The following MITF variants were observed in gnomAD, a reference collection of about 807,000 sequenced individuals.
MITF encodes the protein microphthalmia-associated transcription factor.
In MITF, 17 loss-of-function variants were observed where a neutral mutation model predicts 60.5. That is an observed-to-expected ratio of 0.28 (90% CI 0.19 to 0.42). The LOEUF (loss-of-function observed/expected upper bound fraction) is 0.42. Among genes scored for constraint, MITF ranks in the 10% least tolerant of loss-of-function variants. The pLI is 1.00. For missense variants in MITF, 622 were observed against 683.5 expected (o/e 0.91, Z 1.00); for synonymous variants, 260 against 248.5 (o/e 1.05, Z -0.43).
intron 1 of MITF, among the ~76,000 whole-genome samples, chr3:69,755,280 A>G (rs1412256537): frequency 6.6e-6 from 1 of 152,106 alleles, no homozygotes; most frequent in African/African-American, 2.4e-5. Context: ...CGAATTCCTA[A>G]CTGTCATGTT....
At chr3:69,944,603 A>T (rs1392485202) in intron 5 of MITF, among the ~76,000 whole-genome samples, 1 of 152,102 alleles carries the variant, frequency 6.6e-6, no homozygotes. Context: ...AGACAATGTA[A>T]CTTCAACATT....
At chr3:69,838,683 A>G (rs1193675375) in intron 1 of MITF, 1 of 152,570 alleles carries the variant, frequency 6.6e-6, no homozygotes, top group Non-Finnish European at 1.5e-5. Flanking sequence ...GGTAATGGAG[A>G]GCTGACTAGT....
chr3:69,748,461 G>A (rs1047447223), intron 1 of MITF, among the ~76,000 whole-genome samples: 1 of 152,092 alleles, frequency 6.6e-6, no homozygotes, highest in Non-Finnish European at 1.5e-5. Flanking sequence ...GGCTGGTCTC[G>A]AACCCTTGAC....
intron 5 of MITF, among the ~76,000 whole-genome samples, chr3:69,943,747 C>T (rs1278881654): frequency 6.6e-6 from 1 of 152,000 alleles, no homozygotes; most frequent in African/African-American, 2.4e-5. Context: ...TTCCACATAC[C>T]ACCCCTTCTG....
At chr3:69,765,954 AG>A (rs2062284520) in intron 1 of MITF, among the ~76,000 whole-genome samples, 1 of 152,360 alleles carries the variant, frequency 6.6e-6, no homozygotes, top group East Asian at 1.9e-4. Context: ...GAGTTTTAAA[AG>A]TTTGATAAAT....
At chr3:69,747,783 A>G (rs1703783142) in intron 1 of MITF, among the ~76,000 whole-genome samples, 1 of 152,180 alleles carries the variant, frequency 6.6e-6, no homozygotes, top group Non-Finnish European at 1.5e-5. Flanking sequence ...TTCCTCTAGG[A>G]TCATCCTACT....
intron 2 of MITF, among the ~76,000 whole-genome samples, chr3:69,890,524 A>G (rs1288993417): frequency 2.0e-5 from 3 of 152,164 alleles, no homozygotes; most frequent in African/African-American, 4.8e-5. Context: ...TCTTTACCAT[A>G]CATTACATAG....
chr3:69,811,115 A>G (rs952962948), intron 1 of MITF, among the ~76,000 whole-genome samples: 2 of 152,208 alleles, frequency 1.3e-5, no homozygotes, highest in African/African-American at 4.8e-5. Flanking sequence ...ATACTGAAAT[A>G]CCAGCGTTGG....
chr3:69,935,688 T>C (rs1366477546), intron 2 of MITF, among the ~76,000 whole-genome samples: 1 of 152,208 alleles, frequency 6.6e-6, no homozygotes, highest in African/African-American at 2.4e-5. Context: ...TATTAAGCAT[T>C]TATCATAATT....
intron 1 of MITF, among the ~76,000 whole-genome samples, chr3:69,850,107 T>TA (rs1163893931): frequency 6.6e-6 from 1 of 152,210 alleles, no homozygotes; most frequent in African/African-American, 2.4e-5. Flanking sequence ...TTATTGTTTA[T>TA]AGGATCCCCC....
chr3:69,763,889 C>G lies in MITF; in HGVS notation c.104+24188C>G, dbSNP rs1441101806. ...CAGTGGTTTTCCCACGAGCTATTTT[C>G]TCTCTCTGTGAAAAGGAAACCAGGA... On this transcript the variant is annotated intron_variant, in intron 1 of 9. Transcript: ENST00000352241. The G allele has an allele frequency of 2.2e-6, 3 of 1,379,070 alleles. No individual in the cohort carries two copies. Among genetic ancestry groups the G allele is most frequent in the Non-Finnish European group, 2.9e-6 (3 of 1,030,378 alleles). The allele number at this position is 1,379,070 out of a possible 1,614,324, so 85.4% of individuals were successfully genotyped here. A position where few individuals can be genotyped will look rare whatever the true frequency, so the allele number is the denominator to read the frequency against.
chr3:69,914,995 G>T (rs2107402710), intron 2 of MITF, among the ~76,000 whole-genome samples: 2 of 152,256 alleles, frequency 1.3e-5, no homozygotes, highest in South Asian at 4.1e-4. Context: ...GCACAAGGGG[G>T]AGATATAAAA....
At chr3:69,934,875 G>T (rs192927815) in intron 2 of MITF, among the ~76,000 whole-genome samples, 1 of 152,194 alleles carries the variant, frequency 6.6e-6, no homozygotes, top group Non-Finnish European at 1.5e-5. Flanking sequence ...CTTGTACTCT[G>T]TGAAACACAA....
In MITF at chr3:69,964,575, A is replaced by T. The variant is rs528325699; in HGVS notation, c.1180-272A>T. Among the ~76,000 whole-genome samples the T allele has an allele frequency of 1.5e-5, 2 of 132,870 alleles. 1 individual carries two copies. Among genetic ancestry groups the T allele is most frequent in the Non-Finnish European group, 3.2e-5 (2 of 61,750 alleles). The allele number at this position is 132,870 out of a possible 152,430, so 87.2% of individuals were successfully genotyped here. A position where few individuals can be genotyped will look rare whatever the true frequency, so the allele number is the denominator to read the frequency against. The stretch of plus-strand genomic sequence containing the variant: ...ATGAAGCTGCAGATATTTCCCATAC[A>T]CCTCATTCCCCCAAGCACGCACAGC... On this transcript the variant is annotated intron_variant, in intron 9 of 9. Coordinates refer to ENST00000352241, the MANE Select transcript of MITF (RefSeq NM_001354604.2).
chr3:69,882,963 A>G (rs1189119716), intron 2 of MITF, among the ~76,000 whole-genome samples: 1 of 152,156 alleles, frequency 6.6e-6, no homozygotes, highest in Non-Finnish European at 1.5e-5. Flanking sequence ...AGAAATCTGA[A>G]GGGAGTTGCC....
At chr3:69,961,726 A>G (rs1359053802) in intron 9 of MITF, among the ~76,000 whole-genome samples, 5 of 152,346 alleles carry the variant, frequency 3.3e-5, no homozygotes, top group Admixed American at 3.3e-4. Context: ...CTCCGTCTCA[A>G]AAAACAAACA....
intron 9 of MITF, among the ~76,000 whole-genome samples, chr3:69,963,340 A>G (rs1159751641): frequency 6.6e-6 from 1 of 152,218 alleles, no homozygotes; most frequent in East Asian, 1.9e-4. Context: ...AGTTACTGGC[A>G]TAGAACTTTC....
At chr3:69,893,236 C>T (rs550224279) in intron 2 of MITF, among the ~76,000 whole-genome samples, 18 of 152,260 alleles carry the variant, frequency 1.2e-4, no homozygotes, top group African/African-American at 3.6e-4. Context: ...TGCACTGGAT[C>T]GTGAACCTTG....
At chr3:69,887,667 T>C (rs1169605029) in intron 2 of MITF, among the ~76,000 whole-genome samples, 2 of 151,978 alleles carry the variant, frequency 1.3e-5, no homozygotes, top group East Asian at 3.9e-4. Context: ...AAAAAAGAAA[T>C]TGTTTTAATT....
Sources: gnomAD v4.1 joint callset for allele counts (sites outside exome capture counted in the v4.1 genomes callset) on GRCh38, gnomAD v4.1.1 for gene constraint, MANE v1.5 for transcripts, NCBI Gene and HGNC (gene_info 2026-07-23, HGNC 2026-07-21) for gene names.